Variants in PTPRD observed in about 807,000 individuals in gnomAD.
PTPRD encodes protein tyrosine phosphatase receptor type D.
A neutral mutation model predicts 214.5 loss-of-function variants in PTPRD; 34 were observed. The ratio of observed to expected loss-of-function variants is 0.16; its 90% CI spans 0.12 to 0.21. PTPRD has a LOEUF of 0.21. Among genes scored for constraint, PTPRD ranks in the 10% least tolerant of loss-of-function variants. PTPRD has a pLI of 1.00. For synonymous variants in PTPRD, 1,128 were observed against 845.7 expected (o/e 1.33, Z -5.79); for missense variants, 2,545 against 2,398.7 (o/e 1.06, Z -1.27).
chr9:10,112,745 T>C (rs537987648), intron 3 of PTPRD, among the ~76,000 whole-genome samples: 153 of 152,368 alleles, frequency 1.0e-3, no homozygotes, highest in Non-Finnish European at 1.7e-3. Flanking sequence ...AGCCAGAAGA[T>C]AATTCATTTG....
intron 11 of PTPRD, among the ~76,000 whole-genome samples, chr9:8,957,721 C>A (rs771718383): frequency 3.3e-5 from 5 of 151,856 alleles, no homozygotes; most frequent in Non-Finnish European, 7.4e-5. Flanking sequence ...ACTCAATACT[C>A]ATTTGTTAAA....
intron 3 of PTPRD, among the ~76,000 whole-genome samples, chr9:10,082,771 T>C (rs2098261631): frequency 6.6e-6 from 1 of 151,168 alleles, no homozygotes; most frequent in Admixed American, 6.6e-5. Context: ...GAAGGGAATC[T>C]GTACTAGGAA....
At chr9:8,519,181 T>C (rs1052693749) in intron 20 of PTPRD, among the ~76,000 whole-genome samples, 7 of 152,176 alleles carry the variant, frequency 4.6e-5, no homozygotes, top group Non-Finnish European at 8.8e-5. Flanking sequence ...TTAAGGCACA[T>C]TCACCAATCA....
At chr9:8,954,063 A>G (rs2099118331) in intron 11 of PTPRD, among the ~76,000 whole-genome samples, 1 of 152,048 alleles carries the variant, frequency 6.6e-6, no homozygotes, top group Non-Finnish European at 1.5e-5. Flanking sequence ...TTGCAGTGCT[A>G]TTCACAATAG....
chr9:9,495,309 C>G (rs1415398957), intron 8 of PTPRD, among the ~76,000 whole-genome samples: 1 of 143,046 alleles, frequency 7.0e-6, no homozygotes, highest in African/African-American at 2.7e-5. Flanking sequence ...CACCTTCAAG[C>G]CAAAAAAAAA....
intron 8 of PTPRD, among the ~76,000 whole-genome samples, chr9:9,543,829 C>G (rs1323919815): frequency 6.6e-6 from 1 of 151,620 alleles, no homozygotes; most frequent in Admixed American, 6.6e-5. Context: ...AAAATAACTG[C>G]TTTTGGGAAA....
chr9:10,237,310 T>A (rs982069197), intron 3 of PTPRD, among the ~76,000 whole-genome samples: 1 of 151,960 alleles, frequency 6.6e-6, no homozygotes, highest in African/African-American at 2.4e-5. Flanking sequence ...GACTGCTGTT[T>A]ACCATTTTTA....
At chr9:10,147,816 G>A (rs925510427) in intron 3 of PTPRD, among the ~76,000 whole-genome samples, 5 of 152,166 alleles carry the variant, frequency 3.3e-5, no homozygotes, top group African/African-American at 1.2e-4. Flanking sequence ...GGAGGCGGAG[G>A]TTGCAGTGAG....
At chr9:9,856,984 A>G (rs1165410976) in intron 5 of PTPRD, among the ~76,000 whole-genome samples, 1 of 152,080 alleles carries the variant, frequency 6.6e-6, no homozygotes, top group Non-Finnish European at 1.5e-5. Flanking sequence ...CCAATGTATT[A>G]TTTTTCCTCT....
chr9:9,923,580 C>G (rs761291371), intron 5 of PTPRD, among the ~76,000 whole-genome samples: 3 of 151,726 alleles, frequency 2.0e-5, no homozygotes, highest in Non-Finnish European at 2.9e-5. Flanking sequence ...AAAAAGCATA[C>G]AACAAAACAA....
chr9:9,781,841 G>A (rs1254819922), intron 5 of PTPRD, among the ~76,000 whole-genome samples: 2 of 149,124 alleles, frequency 1.3e-5, no homozygotes, highest in Non-Finnish European at 3.0e-5. Flanking sequence ...CGCCCAGGCT[G>A]GAGTGCAGTG....
chr9:10,179,019 A>G (rs2099266343), intron 3 of PTPRD, among the ~76,000 whole-genome samples: 1 of 152,030 alleles, frequency 6.6e-6, no homozygotes, highest in Non-Finnish European at 1.5e-5. Context: ...TTCATGAACA[A>G]TCAAATAAGA....
At chr9:10,182,391 G>C (rs915655714) in intron 3 of PTPRD, among the ~76,000 whole-genome samples, 4 of 151,850 alleles carry the variant, frequency 2.6e-5, no homozygotes, top group African/African-American at 4.8e-5. Context: ...GAATATACTT[G>C]GAATGTCTAA....
chr9:9,592,224 C>T (rs949929439), intron 7 of PTPRD, among the ~76,000 whole-genome samples: 8 of 151,948 alleles, frequency 5.3e-5, no homozygotes, highest in African/African-American at 1.7e-4. Context: ...AAATTTATGG[C>T]CTTTTGCCTA....
chr9:8,908,724 A>T (rs1242151156), intron 11 of PTPRD, among the ~76,000 whole-genome samples: 1 of 151,738 alleles, frequency 6.6e-6, no homozygotes, highest in East Asian at 1.9e-4. Flanking sequence ...AACAAACATA[A>T]GAAAGTAAAT....
chr9:10,297,125 T>C (rs935886734), intron 3 of PTPRD, among the ~76,000 whole-genome samples: 1 of 145,810 alleles, frequency 6.9e-6, no homozygotes, highest in East Asian at 2.0e-4. Flanking sequence ...ATATATAAAA[T>C]ATATATATAT....
chr9:9,184,781 C>A (rs56190819), intron 9 of PTPRD, among the ~76,000 whole-genome samples: 3 of 151,888 alleles, frequency 2.0e-5, no homozygotes, highest in Non-Finnish European at 2.9e-5. Flanking sequence ...CATATACTTA[C>A]CATCCCTCTC....
chr9:10,585,614 G>A (rs1046738399), intron 2 of PTPRD, among the ~76,000 whole-genome samples: 35 of 151,898 alleles, frequency 2.3e-4, no homozygotes, highest in African/African-American at 6.8e-4. Flanking sequence ...TGTTTTATAC[G>A]TTGCTTTTTT....
intron 3 of PTPRD, among the ~76,000 whole-genome samples, chr9:10,107,203 A>G (rs915768641): frequency 4.6e-5 from 7 of 152,148 alleles, no homozygotes; most frequent in Admixed American, 3.9e-4. Flanking sequence ...TAAATGAAAT[A>G]CCGGTCAGAG....
Sources: allele counts gnomAD v4.1 joint callset (sites outside exome capture counted in the v4.1 genomes callset), GRCh38; gene constraint gnomAD v4.1.1; transcripts MANE v1.5; gene names NCBI Gene and HGNC (gene_info 2026-07-23, HGNC 2026-07-21).